The following ITGBL1 variants were observed in gnomAD, a reference collection of about 807,000 sequenced individuals.
ITGBL1 encodes the protein integrin subunit beta like 1.
Under a neutral mutation model 68.5 loss-of-function variants are expected in ITGBL1, and 51 were observed. The ratio of observed to expected loss-of-function variants is 0.74; its 90% CI spans 0.59 to 0.94. The LOEUF is 0.94. ITGBL1 is among the 40% of genes least tolerant of loss of function. The pLI, the probability that ITGBL1 is intolerant of heterozygous loss-of-function variation, is 0.00. For missense variants in ITGBL1, 649 were observed against 647.4 expected (o/e 1.00, Z -0.03); for synonymous variants, 209 against 227.3 (o/e 0.92, Z 0.72).
At chr13:101,539,322 G>A (rs1411932669) in intron 2 of ITGBL1, among the ~76,000 whole-genome samples, 2 of 151,018 alleles carry the variant, frequency 1.3e-5, no homozygotes, top group East Asian at 2.0e-4. Context: ...TTATCCTTGT[G>A]ATAGCTTGCT....
intron 2 of ITGBL1, among the ~76,000 whole-genome samples, chr13:101,547,300 C>T (rs1352678528): frequency 2.6e-5 from 4 of 151,818 alleles, no homozygotes. Context: ...ATATTAAGCT[C>T]ACTTACTCAT....
chr13:101,506,209 G>T (rs946792365), intron 2 of ITGBL1, among the ~76,000 whole-genome samples: 1 of 152,114 alleles, frequency 6.6e-6, no homozygotes, highest in African/African-American at 2.4e-5. Flanking sequence ...CTGATGTGTT[G>T]GATTTTGGAA....
At chr13:101,676,865 G>T (rs2033516727) in intron 7 of ITGBL1, among the ~76,000 whole-genome samples, 1 of 152,108 alleles carries the variant, frequency 6.6e-6, no homozygotes, top group African/African-American at 2.4e-5. Context: ...TACTGGCTGG[G>T]CACACTGTCT....
At chr13:101,653,083 T>A (rs2032801562) in intron 7 of ITGBL1, among the ~76,000 whole-genome samples, 1 of 131,040 alleles carries the variant, frequency 7.6e-6, no homozygotes, top group African/African-American at 3.0e-5. Flanking sequence ...GCAACAAGAG[T>A]GAAACTGAGA....
intron 7 of ITGBL1, among the ~76,000 whole-genome samples, chr13:101,646,475 G>C (rs2032563400): frequency 6.6e-6 from 1 of 152,108 alleles, no homozygotes; most frequent in Non-Finnish European, 1.5e-5. Flanking sequence ...TTGGAAATAT[G>C]AAACTTTTTT....
intron 3 of ITGBL1, among the ~76,000 whole-genome samples, chr13:101,572,363 A>G (rs951641537): frequency 6.6e-6 from 1 of 152,132 alleles, no homozygotes; most frequent in African/African-American, 2.4e-5. Context: ...TCCAGAGGCT[A>G]ACTTTGTGGG....
At chr13:101,559,994 T>C (rs947833096) in intron 2 of ITGBL1, among the ~76,000 whole-genome samples, 5 of 152,230 alleles carry the variant, frequency 3.3e-5, no homozygotes, top group African/African-American at 1.2e-4. Flanking sequence ...ATGAAAATGC[T>C]CTCAGGAATG....
chr13:101,541,887 G>A (rs2049711569), intron 2 of ITGBL1, among the ~76,000 whole-genome samples: 1 of 152,038 alleles, frequency 6.6e-6, no homozygotes, highest in African/African-American at 2.4e-5. Flanking sequence ...TGTTTCTGTG[G>A]GTTTGGTGGT....
At chr13:101,588,534 T>C (rs1453054562) in intron 6 of ITGBL1, among the ~76,000 whole-genome samples, 2 of 152,148 alleles carry the variant, frequency 1.3e-5, no homozygotes, top group Non-Finnish European at 2.9e-5. Context: ...CATGGAAGCA[T>C]TGCATTTCAG....
intron 2 of ITGBL1, among the ~76,000 whole-genome samples, chr13:101,464,477 G>A (rs1253789428): frequency 9.3e-5 from 14 of 151,040 alleles, no homozygotes; most frequent in Admixed American, 9.2e-4. Context: ...TTTACATTCT[G>A]GTTTATTATG....
intron 8 of ITGBL1, among the ~76,000 whole-genome samples, chr13:101,695,338 G>A (rs530184662): frequency 9.9e-5 from 15 of 152,250 alleles, no homozygotes; most frequent in South Asian, 6.2e-4. Flanking sequence ...AGTGTGTGAC[G>A]TGTGCCAGGA....
chr13:101,498,771 T>C (rs779204690), intron 2 of ITGBL1, among the ~76,000 whole-genome samples: 12 of 152,184 alleles, frequency 7.9e-5, no homozygotes, highest in Non-Finnish European at 1.5e-4. Flanking sequence ...CCTAGGTTTC[T>C]GTGTTAGCCT....
rs146059087 is a variant in ITGBL1, at chr13:101,657,306, T to C, written c.1016-35279T>C. ...GCTTCTTGATAAAATGATTTATTAA[T>C]ATTTTATTCAACCTCATTGTTTTAA... On this transcript the variant is annotated intron_variant, in intron 7 of 10. Coordinates refer to ENST00000376180, the MANE Select transcript of ITGBL1 (RefSeq NM_004791.3). Among the ~76,000 whole-genome samples the C allele has an allele frequency of 1.6e-3, 238 of 152,352 alleles. 6 individuals are homozygous for C. In the South Asian group the frequency reaches 0.025, roughly 16 times the overall value.
At chr13:101,614,900 G>T (rs879350692) in intron 7 of ITGBL1, among the ~76,000 whole-genome samples, 1 of 152,092 alleles carries the variant, frequency 6.6e-6, no homozygotes, top group Non-Finnish European at 1.5e-5. Context: ...TGTCTTAGCT[G>T]CAGGTGACCC....
intron 2 of ITGBL1, among the ~76,000 whole-genome samples, chr13:101,478,108 T>A (rs2048563080): frequency 6.6e-6 from 1 of 151,964 alleles, no homozygotes; most frequent in Middle Eastern, 3.2e-3. Flanking sequence ...CAAACCAGAT[T>A]TAACAACACA....
chr13:101,639,935 A>G (rs1412852369), intron 7 of ITGBL1, among the ~76,000 whole-genome samples: 1 of 152,174 alleles, frequency 6.6e-6, no homozygotes, highest in Non-Finnish European at 1.5e-5. Flanking sequence ...CATAATGACC[A>G]TGAAAGTTAA....
intron 2 of ITGBL1, among the ~76,000 whole-genome samples, chr13:101,496,733 A>G (rs555152163): frequency 1.3e-5 from 2 of 152,290 alleles, no homozygotes; most frequent in South Asian, 2.1e-4. Flanking sequence ...AGAGACCATT[A>G]TGTTGAATAT....
intron 2 of ITGBL1, among the ~76,000 whole-genome samples, chr13:101,552,407 T>C (rs1216514536): frequency 1.3e-5 from 2 of 152,234 alleles, no homozygotes. Context: ...TTTGTAAATC[T>C]TGTGAGCTAC....
chr13:101,546,001 T>G (rs1366247900), intron 2 of ITGBL1, among the ~76,000 whole-genome samples: 1 of 152,154 alleles, frequency 6.6e-6, no homozygotes, highest in African/African-American at 2.4e-5. Context: ...TGAAAAAGAA[T>G]GAAATACAGC....
Sources: allele counts gnomAD v4.1 joint callset (sites outside exome capture counted in the v4.1 genomes callset), GRCh38; gene constraint gnomAD v4.1.1; transcripts MANE v1.5; gene names NCBI Gene and HGNC (gene_info 2026-07-23, HGNC 2026-07-21).